The following TRANK1 variants were observed in gnomAD, a reference collection of about 807,000 sequenced individuals.
TRANK1 encodes tetratricopeptide repeat and ankyrin repeat containing 1, also known as TPR and ankyrin repeat-containing protein 1.
A neutral mutation model predicts 266.0 loss-of-function variants in TRANK1; 198 were observed. The ratio of observed to expected loss-of-function variants is 0.74; its 90% CI spans 0.66 to 0.84. The LOEUF is 0.84. Among genes scored for constraint, TRANK1 ranks in the 40% least tolerant of loss-of-function variants. The pLI is 0.00. For synonymous variants in TRANK1, 1,396 were observed against 1,384.1 expected (o/e 1.01, Z -0.19); for missense variants, 3,326 against 3,634.6 (o/e 0.92, Z 2.18).
intron 8 of TRANK1, among the ~76,000 whole-genome samples, chr3:36,886,799 C>A (rs2079612648): frequency 6.6e-6 from 1 of 151,926 alleles, no homozygotes; most frequent in African/African-American, 2.4e-5. Flanking sequence ...GTACTCCCAG[C>A]TACTTGGGAG....
intron 20 of TRANK1, among the ~76,000 whole-genome samples, chr3:36,837,072 A>G (rs4678909): frequency 0.39 from 59,226 of 152,066 alleles, 12,358 homozygotes; most frequent in African/African-American, 0.52. Flanking sequence ...CAAACTGACT[A>G]GCAAGGTTCA....
intron 20 of TRANK1, among the ~76,000 whole-genome samples, chr3:36,836,480 A>T (rs1245869373): frequency 6.6e-6 from 1 of 152,242 alleles, no homozygotes; most frequent in Non-Finnish European, 1.5e-5. Flanking sequence ...AGATAAGCCT[A>T]AAGTATATAT....
At chr3:36,905,973 G>C (rs900125189) in intron 2 of TRANK1, among the ~76,000 whole-genome samples, 3 of 152,202 alleles carry the variant, frequency 2.0e-5, no homozygotes, top group Non-Finnish European at 2.9e-5. Flanking sequence ...GCAACATGAG[G>C]GTCCAGGCAG....
chr3:36,855,537 G>T lies in TRANK1; in HGVS notation c.4185C>A (p.Phe1395Leu). 2 of 1,613,930 alleles carry T rather than the reference G, an allele frequency of 1.2e-6. No individual in the cohort carries two copies. Among genetic ancestry groups the T allele is most frequent in the South Asian group, 1.1e-5 (1 of 91,074 alleles). Reference sequence around the variant, plus strand: ...GGGACCTGATTTGCTGATACAGACTGAAGAGGCTGTAGATCTCACTCCGGT... The same window carrying T: ...GGGACCTGATTTGCTGATACAGACTTAAGAGGCTGTAGATCTCACTCCGGT... The part of the protein sequence containing the change: ...KEDRSEIYSL[F>L]SLYQQIRSQK... Residue 1395 changes from phenylalanine (F) to leucine (L), a missense_variant, in exon 13 of 24, where the codon TTC becomes TTA. By Grantham distance (22) the Phe-to-Leu change is conservative (BLOSUM62 0). Coordinates refer to ENST00000645898, the MANE Select transcript of TRANK1 (RefSeq NM_001329998.2).
At chr3:36,850,284 T>A in intron 15 of TRANK1, 2 of 985,416 alleles carry the variant, frequency 2.0e-6, no homozygotes, top group Non-Finnish European at 2.4e-6. Flanking sequence ...TAGCAAAATT[T>A]AACAGGAAAG....
intron 1 of TRANK1, among the ~76,000 whole-genome samples, chr3:36,939,533 G>A (rs1009031167): frequency 6.6e-6 from 1 of 152,192 alleles, no homozygotes; most frequent in African/African-American, 2.4e-5. Flanking sequence ...CCTGGTGTCA[G>A]GTGGTAAATT....
intron 9 of TRANK1, among the ~76,000 whole-genome samples, chr3:36,872,499 T>C (rs1215969043): frequency 6.6e-6 from 1 of 152,304 alleles, no homozygotes; most frequent in East Asian, 1.9e-4. Flanking sequence ...TTTGCTTTTT[T>C]AAATGCAATT....
intron 1 of TRANK1, among the ~76,000 whole-genome samples, chr3:36,931,261 TTAAG>T (rs1191924375): frequency 7.0e-6 from 1 of 143,584 alleles, no homozygotes; most frequent in Non-Finnish European, 1.6e-5. Context: ...AAACAAAATA[TTAAG>T]TGTTAAAAAA....
At chr3:36,943,607 C>T (rs2080527954) in intron 1 of TRANK1, among the ~76,000 whole-genome samples, 1 of 150,850 alleles carries the variant, frequency 6.6e-6, no homozygotes, top group Non-Finnish European at 1.5e-5. Flanking sequence ...CCACCGTCCC[C>T]GCCCTCCAAC....
intron 23 of TRANK1, among the ~76,000 whole-genome samples, chr3:36,829,049 G>GAGAA (rs1463518720): frequency 6.6e-6 from 1 of 152,210 alleles, no homozygotes; most frequent in Non-Finnish European, 1.5e-5. Flanking sequence ...ACTGCCAGGA[G>GAGAA]AGAAAGTGCT....
chr3:36,843,824 C>T (rs1425039620), intron 17 of TRANK1, among the ~76,000 whole-genome samples: 1 of 152,102 alleles, frequency 6.6e-6, no homozygotes, highest in Non-Finnish European at 1.5e-5. Flanking sequence ...CAACCTGATC[C>T]CTCCCTGCTC....
Position 36,838,387 on chromosome 3 carries a change from G to A in TRANK1, c.5502C>T (p.Cys1834=), listed in dbSNP as rs368843468. Residue 1834 remains cysteine, a synonymous_variant, in exon 20 of 24, where the codon TGC becomes TGT. Coordinates refer to ENST00000645898, the MANE Select transcript of TRANK1 (RefSeq NM_001329998.2). ...GGAGCCATACCTTTCCCAGCCTCTC[G>A]CACAGCTGGGCAGAGAGCTGGAACT... ...AKEFQLSAQL[C]ERLGKIRDAA... 3.4e-5 allele frequency: 55 copies of A among 1,613,836 alleles called. No homozygotes were observed. The highest frequency in any genetic ancestry group is 2.1e-4 in the South Asian group (19 of 91,084).
At chr3:36,861,704 C>CT (rs375054559) in intron 10 of TRANK1, among the ~76,000 whole-genome samples, 11,237 of 124,098 alleles carry the variant, frequency 0.091, 1,796 homozygotes, top group African/African-American at 0.31. Context: ...GAGTAGAAAA[C>CT]TTTTTTTTTT....
At chr3:36,924,147 C>A (rs1258538302) in intron 1 of TRANK1, among the ~76,000 whole-genome samples, 1 of 152,160 alleles carries the variant, frequency 6.6e-6, no homozygotes, top group African/African-American at 2.4e-5. Flanking sequence ...CTCTCCTGGG[C>A]GGGCACCAGG....
chr3:36,882,820 A>T (rs1033917880), intron 8 of TRANK1, among the ~76,000 whole-genome samples: 5 of 152,220 alleles, frequency 3.3e-5, no homozygotes, highest in African/African-American at 7.2e-5. Flanking sequence ...TGGGAAAGAG[A>T]CATGAACATA....
chr3:36,903,021 G>A (rs1559464157), intron 3 of TRANK1, 128 bp downstream of exon 3: 4 of 1,234,288 alleles, frequency 3.2e-6, no homozygotes, highest in Non-Finnish European at 3.3e-6. Flanking sequence ...CAGGCTAAAA[G>A]GAAGGAGGCA....
At chr3:36,883,041 T>C (rs776736063) in intron 8 of TRANK1, among the ~76,000 whole-genome samples, 1 of 152,044 alleles carries the variant, frequency 6.6e-6, no homozygotes, top group Non-Finnish European at 1.5e-5. Flanking sequence ...GTAACGCAAA[T>C]TGGTACAACC....
rs6776616 is a variant in TRANK1 at position 36,889,896 on chromosome 3, C to T, written c.840G>A (p.Gln280=). ...GGACAGTGCAGCCATCCCCATCCTT[C>T]TGGTTAATGCGGCCTTTCCACTCGG... ...HKPEWKGRIN[Q]KDGDGCTVLH... Residue 280 remains glutamine (Q), a synonymous_variant, in exon 8 of 24, where the codon CAG becomes CAA. Transcript: ENST00000645898. The T allele has an allele frequency of 1.4e-3, 2,204 of 1,537,268 alleles. 22 individuals are homozygous for T. In the African/African-American group the frequency reaches 0.025, roughly 18 times the overall value.
intron 16 of TRANK1, among the ~76,000 whole-genome samples, chr3:36,846,779 G>A (rs1337221509): frequency 6.6e-6 from 1 of 152,182 alleles, no homozygotes; most frequent in East Asian, 1.9e-4. Flanking sequence ...AGTACAGACA[G>A]ACCCCGTGTA....
Sources: gnomAD v4.1 joint callset for allele counts (sites outside exome capture counted in the v4.1 genomes callset) on GRCh38, gnomAD v4.1.1 for gene constraint, MANE v1.5 for transcripts, NCBI Gene and HGNC (gene_info 2026-07-23, HGNC 2026-07-21) for gene names.